CLPTM1: variants seen among roughly 807,000 people sequenced by gnomAD.
The protein encoded by CLPTM1 is CLPTM1 regulator of GABA type A receptor forward trafficking.
Under a neutral mutation model 77.3 loss-of-function variants are expected in CLPTM1, and 21 were observed. The observed-to-expected ratio is 0.27, with a 90% CI of 0.19 to 0.39. The LOEUF is 0.39. CLPTM1 is among the 10% of genes least tolerant of loss of function. The pLI, the probability that CLPTM1 is intolerant of heterozygous loss-of-function variation, is 1.00. For missense variants in CLPTM1, 642 were observed against 921.2 expected, an observed-to-expected ratio of 0.70 and a Z score of 3.92; for synonymous variants, 373 against 381.0, an observed-to-expected ratio of 0.98 and a Z score of 0.24.
At chr19:44,973,361 A>G in intron 3 of CLPTM1, 151 bp downstream of exon 3, 1 of 1,000,872 alleles carries the variant, frequency 1.0e-6, no homozygotes, top group Non-Finnish European at 1.5e-6. Context: ...CTCTGGGCCC[A>G]TCCCCAACAC....
intron 1 of CLPTM1, among the ~76,000 whole-genome samples, chr19:44,960,658 G>A (rs895412381): frequency 6.6e-6 from 1 of 152,212 alleles, no homozygotes; most frequent in Non-Finnish European, 1.5e-5. Context: ...TATCTGGTGG[G>A]TAAGGTGAAT....
chr19:44,963,207 C>CAAAAA (rs778157562), intron 2 of CLPTM1, among the ~76,000 whole-genome samples: 18 of 29,048 alleles, frequency 6.2e-4, no homozygotes, highest in Non-Finnish European at 7.8e-4. Context: ...GACTCCATCT[C>CAAAAA]AAAAAAAAAA....
rs1458889858 is a variant in CLPTM1, at chr19:44,984,925, G to A, written c.587-293G>A. ...GCTGGTCTCTAACTCCTGACCTCAG[G>A]GGATCTGCCCGCCCCAGCCTCCCAA... On this transcript the variant is annotated intron_variant, in intron 5 of 13. Coordinates refer to ENST00000337392, the MANE Select transcript of CLPTM1 (RefSeq NM_001294.4). 5.9e-5 allele frequency among the ~76,000 whole-genome samples: 9 copies of A among 152,244 alleles called. No homozygotes were observed. In the South Asian group the frequency reaches 1.9e-3, roughly 32 times the overall value.
chr19:44,958,065 G>A (rs1172780279), intron 1 of CLPTM1, among the ~76,000 whole-genome samples: 1 of 152,192 alleles, frequency 6.6e-6, no homozygotes, highest in African/African-American at 2.4e-5. Flanking sequence ...GATAGGAAGT[G>A]AGGGGTGGGT....
chr19:44,978,266 G>A (rs547913613), intron 5 of CLPTM1, among the ~76,000 whole-genome samples: 1 of 152,052 alleles, frequency 6.6e-6, no homozygotes, highest in East Asian at 1.9e-4. Context: ...TTAGCTGGGT[G>A]TAGTAGCATG....
intron 1 of CLPTM1, among the ~76,000 whole-genome samples, chr19:44,957,270 C>G (rs896796013): frequency 6.6e-6 from 1 of 151,666 alleles, no homozygotes; most frequent in African/African-American, 2.4e-5. Context: ...TTTCAGATGT[C>G]CCTTCCTGCA....
chr19:44,954,740 G>C (rs942946134), upstream of CLPTM1: 4 of 1,309,376 alleles, frequency 3.1e-6, no homozygotes, highest in African/African-American at 6.0e-5. Context: ...GTGCTAGGCA[G>C]GGCAGTCCGA....
chr19:44,955,374 GGC>G, upstream of CLPTM1: 1 of 1,293,390 alleles, frequency 7.7e-7, no homozygotes, highest in Non-Finnish European at 9.9e-7. Context: ...TGGCGGCGGG[GGC>G]GGGGACCCGG....
chr19:44,987,682 C>T (rs1971003363), intron 8 of CLPTM1: 1 of 566,312 alleles, frequency 1.8e-6, no homozygotes, highest in Non-Finnish European at 3.2e-6. Flanking sequence ...CCTTCTGTCC[C>T]AGACCTTGTG....
chr19:44,971,075 C>T (rs1019152427), intron 2 of CLPTM1, among the ~76,000 whole-genome samples: 4 of 151,828 alleles, frequency 2.6e-5, no homozygotes, highest in African/African-American at 9.7e-5. Flanking sequence ...AGGTGATCCA[C>T]CCACCTCGGC....
At position 44,991,310 on chromosome 19, in the gene CLPTM1, C is replaced by A. The variant is rs911230818; in HGVS notation, c.1492C>A (p.Leu498Met). Residue 498 changes from leucine to methionine, a missense_variant, in exon 12 of 14, where the codon CTG (leucine) becomes ATG (methionine). By Grantham distance (15) the Leu-to-Met change is conservative. This residue lies in a region of CLPTM1 where 521 missense variants were observed against 800.4 expected (regional missense o/e 0.65). Coordinates refer to ENST00000337392, the MANE Select transcript of CLPTM1 (RefSeq NM_001294.4). This position sits in a 1 kb window ranked among gnomAD's most constrained non-coding sequence, Gnocchi z 5.4. The stretch of plus-strand genomic sequence containing the variant: ...CTATGCCGTCTACAGTCTTCTGTAC[C>A]TGGAGCACAAGGGCTGGTACTCCTG... Reference protein sequence around the residue: ...GCYAVYSLLYLEHKGWYSWVL... With the variant: ...GCYAVYSLLYMEHKGWYSWVL... 2 of 1,614,086 alleles carry A rather than the reference C, an allele frequency of 1.2e-6. No individual in the cohort carries two copies. The highest frequency in any genetic ancestry group is 1.7e-6 in the Non-Finnish European group (2 of 1,179,980).
chr19:44,991,503 C>A lies in CLPTM1; in HGVS notation c.1555+130C>A. On this transcript the variant is annotated intron_variant, in intron 12 of 13. Coordinates refer to ENST00000337392, the MANE Select transcript of CLPTM1 (RefSeq NM_001294.4). The surrounding 1 kb of genome is among the most constrained non-coding windows in gnomAD (Gnocchi z 5.4). ...TGGGCAGAGCTGGGATATAGGGAGG[C>A]CCGAGGGCACACATGGCCCCATCTG... The A allele has an allele frequency of 9.1e-7, 1 of 1,099,578 alleles. No homozygotes were observed. Among genetic ancestry groups the A allele is most frequent in the Non-Finnish European group, 1.3e-6 (1 of 769,164 alleles). 68.1% of individuals were successfully genotyped at this position (1,099,578 alleles called of 1,614,324 possible).
At chr19:44,979,583 G>A (rs1970861195) in intron 5 of CLPTM1, among the ~76,000 whole-genome samples, 1 of 152,108 alleles carries the variant, frequency 6.6e-6, no homozygotes, top group Admixed American at 6.6e-5. Flanking sequence ...TATCCTAAAG[G>A]ATGGTAATTT....
At chr19:44,981,057 G>C (rs1970888287) in intron 5 of CLPTM1, among the ~76,000 whole-genome samples, 1 of 152,086 alleles carries the variant, frequency 6.6e-6, no homozygotes, top group Non-Finnish European at 1.5e-5. Flanking sequence ...TAGCCAGGAT[G>C]GTCTTGATCT....
chr19:44,966,560 G>A (rs924137239), intron 2 of CLPTM1, among the ~76,000 whole-genome samples: 1 of 152,158 alleles, frequency 6.6e-6, no homozygotes, highest in Non-Finnish European at 1.5e-5. Flanking sequence ...GTGTCAGATA[G>A]CGTGTAAGAG....
Position 44,991,501 on chromosome 19 carries a change from G to A in CLPTM1, c.1555+128G>A. 3 of 1,136,772 alleles carry A rather than the reference G, an allele frequency of 2.6e-6. No individual in the cohort carries two copies. The highest frequency in any genetic ancestry group is 3.7e-6 in the Non-Finnish European group (3 of 801,790). The allele number at this position is 1,136,772 out of a possible 1,614,324, so 70.4% of individuals were successfully genotyped here. On this transcript the variant is annotated intron_variant, in intron 12 of 13. Transcript: ENST00000337392. This position sits in a 1 kb window ranked among gnomAD's most constrained non-coding sequence, Gnocchi z 5.4. ...GGTGGGCAGAGCTGGGATATAGGGAGGCCCGAGGGCACACATGGCCCCATC... is the reference window on the plus strand; with the variant it reads ...GGTGGGCAGAGCTGGGATATAGGGAAGCCCGAGGGCACACATGGCCCCATC...
At position 44,990,644 on chromosome 19, in the gene CLPTM1, G is replaced by T. The variant is rs1421898198; in HGVS notation, c.1323+59G>T. 4.4e-6 allele frequency: 7 copies of T among 1,574,070 alleles called. No individual in the cohort carries two copies. Among genetic ancestry groups the T allele is most frequent in the Admixed American group, 3.4e-5 (2 of 58,890 alleles). On this transcript the variant is annotated intron_variant, in intron 10 of 13. Coordinates refer to ENST00000337392, the MANE Select transcript of CLPTM1 (RefSeq NM_001294.4). The surrounding 1 kb of genome is among the most constrained non-coding windows in gnomAD (Gnocchi z 4.8). ...GCAGGGGTTGGGAGGGGGTAGTGTG[G>T]CCCAGCTGGACCCTGGAGCTGGCCC...
chr19:44,955,335 G>C (rs1600000852), upstream of CLPTM1: 6 of 1,364,222 alleles, frequency 4.4e-6, no homozygotes, highest in Non-Finnish European at 5.7e-6. Context: ...TCGCGCGATT[G>C]CGCTGCGAAG....
chr19:44,960,001 A>G (rs1568640222), intron 1 of CLPTM1, among the ~76,000 whole-genome samples: 1 of 152,302 alleles, frequency 6.6e-6, no homozygotes, highest in Admixed American at 6.5e-5. Flanking sequence ...CCTGGCATCA[A>G]GTGTCCTTTC....
Sources: gnomAD v4.1 joint callset for allele counts (sites outside exome capture counted in the v4.1 genomes callset) on GRCh38, gnomAD v4.1.1 for gene constraint, gnomAD v4.1.1 regional missense constraint, Gnocchi (gnomAD v3.1) non-coding constraint, MANE v1.5 for transcripts, NCBI Gene and HGNC (gene_info 2026-07-23, HGNC 2026-07-21) for gene names.